Variants in GSTM5 observed in about 807,000 individuals in gnomAD.
GSTM5 encodes the protein GST class-mu 5.
In GSTM5, 24 loss-of-function variants were observed where a neutral mutation model predicts 29.0. The observed-to-expected ratio is 0.83, with a 90% CI of 0.60 to 1.16. The LOEUF (loss-of-function observed/expected upper bound fraction) is 1.16, where lower values mean the gene tolerates loss of function less well. Ranked by LOEUF, GSTM5 falls within the 50% of genes most tolerant of loss-of-function variation. The pLI is 0.00. For missense variants in GSTM5, 290 were observed against 263.0 expected (o/e 1.10, Z -0.71); for synonymous variants, 91 against 93.6 (o/e 0.97, Z 0.16).
intron 3 of GSTM5, 25 bp downstream of exon 3, chr1:109,713,208 T>C (rs1648627758): frequency 6.2e-7 from 1 of 1,611,934 alleles, no homozygotes; most frequent in African/African-American, 1.3e-5. Context: ...AGGGGCGGTT[T>C]TGGGGGAAAG....
chr1:109,716,937 G>A (rs1041497000), intron 7 of GSTM5: 1 of 158,076 alleles, frequency 6.3e-6, no homozygotes, highest in Non-Finnish European at 1.4e-5. Context: ...ACAGAACCAG[G>A]CTATATTCCA....
At chr1:109,713,949 C>A in intron 5 of GSTM5, 188 bp downstream of exon 5, 1 of 463,420 alleles carries the variant, frequency 2.2e-6, no homozygotes, top group Non-Finnish European at 3.9e-6. Flanking sequence ...TTTTGGAGAA[C>A]CAGACCACGG....
chr1:109,712,190 CGGGGTT>C, upstream of GSTM5: 1 of 1,059,466 alleles, frequency 9.4e-7, no homozygotes, highest in Non-Finnish European at 1.5e-6. Flanking sequence ...TGGCGTGTTT[CGGGGTT>C]GTGGCGGGCC....
intron 5 of GSTM5, chr1:109,713,993 A>G: frequency 5.1e-6 from 2 of 392,398 alleles, no homozygotes; most frequent in East Asian, 1.3e-4. Flanking sequence ...ATCTGCTACC[A>G]CCCAGAGTTT....
intron 7 of GSTM5, 56 bp downstream of exon 7, chr1:109,715,296 A>T (rs750102221): frequency 1.2e-6 from 2 of 1,614,100 alleles, no homozygotes; most frequent in South Asian, 2.2e-5. Flanking sequence ...CTCTCCTTTC[A>T]GATGCTTTCC....
In GSTM5 at chr1:109,717,600, G is replaced by C. The variant is rs560978021; in HGVS notation, c.*174G>C. On this transcript the variant is annotated 3_prime_UTR_variant, in exon 8 of 8. Coordinates refer to ENST00000256593, the MANE Select transcript of GSTM5 (RefSeq NM_000851.4). ...CTAACATCATCCCTCCCCGCATCGAGGCTCTTTAAAGCTTCAGCTCCCCAC... is the reference window on the plus strand; with the variant it reads ...CTAACATCATCCCTCCCCGCATCGACGCTCTTTAAAGCTTCAGCTCCCCAC... 1.8e-6 allele frequency: 1 copy of C among 562,190 alleles called. No individual in the cohort carries two copies. Among genetic ancestry groups the C allele is most frequent in the South Asian group, 2.0e-5 (1 of 49,222 alleles). 34.8% of individuals were successfully genotyped at this position (562,190 alleles called of 1,614,324 possible). A position where few individuals can be genotyped will look rare whatever the true frequency, so the allele number is the denominator to read the frequency against.
intron 7 of GSTM5, chr1:109,715,769 C>T (rs1289523486): frequency 7.4e-6 from 3 of 403,182 alleles, no homozygotes; most frequent in African/African-American, 2.1e-5. Context: ...ATGATCGGAC[C>T]CCCATGTGGA....
At chr1:109,717,191 G>T (rs530391455) in intron 7 of GSTM5, 146 bp from the exon 8 acceptor site, 55 of 630,576 alleles carry the variant, frequency 8.7e-5, no homozygotes, top group South Asian at 7.4e-4. Flanking sequence ...GAAGAGCTGG[G>T]GACCTAAGAG....
Position 109,717,394 on chromosome 1 carries a change from T to G in GSTM5, c.625T>G (p.Phe209Val). The G allele has an allele frequency of 6.2e-7, 1 of 1,614,038 alleles. No individual in the cohort carries two copies. The highest frequency in any genetic ancestry group is 2.2e-5 in the East Asian group (1 of 44,878). ...CAGCCAATTCCTCCGAGGTCTTTTG[T>G]TTGGAAAGTCAGCTACATGGAACAG... The part of the protein sequence containing the change: ...KSSQFLRGLL[F>V]GKSATWNSK The change falls in exon 8 of 8, where the codon TTT (phenylalanine) becomes GTT (valine). Residue 209 changes from phenylalanine to valine, a missense_variant. Physicochemically the swap from Phe to Val is conservative, Grantham distance 50 (BLOSUM62 -1). Coordinates refer to ENST00000256593, the MANE Select transcript of GSTM5 (RefSeq NM_000851.4).
At chr1:109,712,174 A>C (rs1648538999), upstream of GSTM5, 10 of 935,536 alleles carry the variant, frequency 1.1e-5, no homozygotes, top group South Asian at 9.0e-5. Context: ...TCGGGGGCCT[A>C]CAGAATGGCG....
At chr1:109,712,244 C>T, upstream of GSTM5, 3 of 1,548,904 alleles carry the variant, frequency 1.9e-6, no homozygotes, top group East Asian at 2.2e-5. Context: ...CCTGTCCCCT[C>T]CTGGGCCTCT....
chr1:109,715,668 C>T, intron 7 of GSTM5: 1 of 558,264 alleles, frequency 1.8e-6, no homozygotes, highest in East Asian at 3.5e-5. Flanking sequence ...ACCACGGATG[C>T]AGCTGGCAAT....
chr1:109,712,410 G>T (rs1648582190), intron 1 of GSTM5, 62 bp downstream of exon 1: 1 of 1,567,226 alleles, frequency 6.4e-7, no homozygotes, highest in Non-Finnish European at 8.8e-7. Context: ...TGGAGTAGCT[G>T]CAGGACTGGC....
At chr1:109,713,600 G>C (rs779480058) in intron 4 of GSTM5, 35 bp downstream of exon 4, 4 of 1,614,100 alleles carry the variant, frequency 2.5e-6, no homozygotes, top group Non-Finnish European at 3.4e-6. Flanking sequence ...CGGGGGGAAG[G>C]TGACCTCCTC....
At chr1:109,715,807 G>T (rs904685353) in intron 7 of GSTM5, 6 of 418,982 alleles carry the variant, frequency 1.4e-5, no homozygotes, top group Non-Finnish European at 2.7e-5. Flanking sequence ...GCTGTGGCTG[G>T]AGCTGGATTA....
Position 109,714,743 on chromosome 1 carries a change from A to T in GSTM5, c.361-204A>T. On this transcript the variant is annotated intron_variant, in intron 5 of 7. Coordinates refer to ENST00000256593, the MANE Select transcript of GSTM5 (RefSeq NM_000851.4). Reference sequence around the variant, plus strand: ...GATTCAGGAAGAGCATCTCATTCTGATCACTTCAGATAGGGTCTGGCACCC... The same window carrying T: ...GATTCAGGAAGAGCATCTCATTCTGTTCACTTCAGATAGGGTCTGGCACCC... 3 of 615,926 alleles carry T rather than the reference A, an allele frequency of 4.9e-6. No individual in the cohort carries two copies. In the South Asian group the frequency reaches 5.9e-5, roughly 12 times the overall value. 38.2% of individuals were successfully genotyped at this position (615,926 alleles called of 1,614,324 possible). A position where few individuals can be genotyped will look rare whatever the true frequency, so the allele number is the denominator to read the frequency against.
At position 109,712,581 on chromosome 1, in the gene GSTM5, T is replaced by TCCATCTCTGACCCGAGCCGCGGG. The variant is rs759107188; in HGVS notation, c.37-28_37-6dup. On this transcript the variant is annotated intron_variant, in intron 1 of 7. Transcript: ENST00000256593. ...GAGAAAGTCACCAAGTCAGGGACCCTCCATCTCTGACCCGAGCCGCGGGCC... is the reference window on the plus strand; with the variant it reads ...GAGAAAGTCACCAAGTCAGGGACCCTCCATCTCTGACCCGAGCCGCGGGCCATCTCTGACCCGAGCCGCGGGCC... 6.8e-6 allele frequency: 11 copies of TCCATCTCTGACCCGAGCCGCGGG among 1,607,724 alleles called. No homozygotes were observed. In the South Asian group the frequency reaches 1.1e-4, roughly 16 times the overall value.
At chr1:109,714,892 A>C in intron 5 of GSTM5, 55 bp from the exon 6 acceptor site, 2 of 1,579,110 alleles carry the variant, frequency 1.3e-6, no homozygotes, top group Non-Finnish European at 8.7e-7. Flanking sequence ...TGGGGAGGCC[A>C]CGTCTGTGCA....
intron 5 of GSTM5, 119 bp from the exon 6 acceptor site, chr1:109,714,828 A>G (rs1648686913): frequency 1.1e-6 from 1 of 904,976 alleles, no homozygotes; most frequent in East Asian, 2.4e-5. Context: ...CCCCGGTTTT[A>G]GTTGTGGGGA....
Sources: gnomAD v4.1 joint callset for allele counts on GRCh38, gnomAD v4.1.1 for gene constraint, MANE v1.5 for transcripts, NCBI Gene and HGNC (gene_info 2026-07-23, HGNC 2026-07-21) for gene names.